Variants in SLC24A2 observed in about 807,000 individuals in gnomAD.
SLC24A2 encodes the protein solute carrier family 24 member 2.
A neutral mutation model predicts 62.0 loss-of-function variants in SLC24A2; 36 were observed. That is an observed-to-expected ratio of 0.58 (90% CI 0.44 to 0.77). The LOEUF (loss-of-function observed/expected upper bound fraction) is 0.77, where lower values mean the gene tolerates loss of function less well. Among genes scored for constraint, SLC24A2 ranks in the 30% least tolerant of loss-of-function variants. SLC24A2 has a pLI of 0.00. For missense variants in SLC24A2, 846 were observed against 817.9 expected, an observed-to-expected ratio of 1.03 and a Z score of -0.42; for synonymous variants, 358 against 294.0, an observed-to-expected ratio of 1.22 and a Z score of -2.23.
At chr9:20,127,414 G>A in the SLC24A2 span, among the ~76,000 whole-genome samples, 1 of 152,084 alleles carries the variant, frequency 6.6e-6, no homozygotes. Context: ...TAACAACAAT[G>A]GAGAGAATTC....
At chr9:19,823,885 G>A in the SLC24A2 span, among the ~76,000 whole-genome samples, 4 of 152,116 alleles carry the variant, frequency 2.6e-5, no homozygotes. Flanking sequence ...ACAACCATCT[G>A]ATCTTTGACA....
In SLC24A2 at chr9:19,510,715, GT is replaced by G. The variant is rs2132603053; in HGVS notation, c.*5437del. On this transcript the variant is annotated 3_prime_UTR_variant, in exon 11 of 11. Transcript: ENST00000341998. ...TGTCTGTTTTTAAAGATTTTATTAG[GT>G]TTTCCAGTCTGTCAATGAATGATCT... is the stretch of plus-strand genomic sequence containing the variant. The G allele has an allele frequency of 6.6e-6, 1 of 152,322 alleles. No individual in the cohort carries two copies. Among genetic ancestry groups the G allele is most frequent in the Non-Finnish European group, 1.5e-5 (1 of 68,040 alleles). 9.4% of individuals were successfully genotyped at this position (152,322 alleles called of 1,614,324 possible). A position where few individuals can be genotyped will look rare whatever the true frequency, so the allele number is the denominator to read the frequency against.
chr9:19,746,226 T>C (rs1821829731), intron 2 of SLC24A2, among the ~76,000 whole-genome samples: 2 of 152,094 alleles, frequency 1.3e-5, no homozygotes, highest in Admixed American at 1.3e-4. Context: ...ACGACAACTT[T>C]CCGATGGGAC....
At chr9:19,564,015 T>G (rs1835547353) in intron 7 of SLC24A2, among the ~76,000 whole-genome samples, 1 of 151,688 alleles carries the variant, frequency 6.6e-6, no homozygotes, top group Non-Finnish European at 1.5e-5. Context: ...CACCATGCCC[T>G]GCTAATTTTT....
At chr9:19,517,280 A>G (rs1586874558) in intron 10 of SLC24A2, among the ~76,000 whole-genome samples, 1 of 152,196 alleles carries the variant, frequency 6.6e-6, no homozygotes. Context: ...GGCTCTACCC[A>G]TCAGCCTAAT....
the SLC24A2 span, among the ~76,000 whole-genome samples, chr9:20,016,956 A>T: frequency 6.6e-6 from 1 of 152,252 alleles, no homozygotes; most frequent in African/African-American, 2.4e-5. Context: ...TTTAATTAAA[A>T]GATCACATAA....
At chr9:19,895,880 C>A in the SLC24A2 span, 13 of 1,613,038 alleles carry the variant, frequency 8.1e-6, no homozygotes, top group Non-Finnish European at 1.1e-5. Flanking sequence ...AGGGCCTCGG[C>A]CAGTGTGATG....
chr9:19,616,792 G>T (rs35675299), intron 4 of SLC24A2, among the ~76,000 whole-genome samples: 1 of 152,048 alleles, frequency 6.6e-6, no homozygotes, highest in African/African-American at 2.4e-5. Flanking sequence ...AAAATTAAAG[G>T]TTCATTGGCA....
At chr9:19,936,003 CAA>C in the SLC24A2 span, among the ~76,000 whole-genome samples, 1 of 152,128 alleles carries the variant, frequency 6.6e-6, no homozygotes, top group Non-Finnish European at 1.5e-5. Flanking sequence ...GCTTTAATCA[CAA>C]AGAGTTTTGA....
At chr9:19,586,699 A>G (rs371304318) in intron 5 of SLC24A2, among the ~76,000 whole-genome samples, 1 of 152,170 alleles carries the variant, frequency 6.6e-6, no homozygotes, top group African/African-American at 2.4e-5. Context: ...GTTTCAGGAA[A>G]AGGGCCAACT....
In SLC24A2 at chr9:19,515,092, C is replaced by T. The variant is rs1832873802; in HGVS notation, c.*1061G>A. The stretch of plus-strand genomic sequence containing the variant: ...TTAGCATCAAAATATATCTACATGA[C>T]AATCACAGCTAAACTTACCCCTCTT... On this transcript the variant is annotated 3_prime_UTR_variant, in exon 11 of 11. Coordinates refer to ENST00000341998, the MANE Select transcript of SLC24A2 (RefSeq NM_020344.4). 6.6e-6 allele frequency: 1 copy of T among 152,130 alleles called. No individual in the cohort carries two copies. The highest frequency in any genetic ancestry group is 1.5e-5 in the Non-Finnish European group (1 of 68,026). 9.4% of individuals were successfully genotyped at this position (152,130 alleles called of 1,614,324 possible).
chr9:19,680,848 G>GT (rs1236055246), intron 2 of SLC24A2, among the ~76,000 whole-genome samples: 80 of 118,418 alleles, frequency 6.8e-4, no homozygotes, highest in African/African-American at 2.3e-3. Flanking sequence ...ATATATACCA[G>GT]AGTTGTGTGT....
chr9:20,288,009 G>A, the SLC24A2 span, among the ~76,000 whole-genome samples: 3 of 126,640 alleles, frequency 2.4e-5, no homozygotes, highest in South Asian at 3.3e-4. Context: ...CTTTTTTTTG[G>A]TTGGGAGTGG....
the SLC24A2 span, among the ~76,000 whole-genome samples, chr9:19,911,186 C>A: frequency 6.6e-6 from 1 of 150,584 alleles, no homozygotes; most frequent in African/African-American, 2.4e-5. Context: ...TTTGTCCTTG[C>A]GATAGTTTAC....
At chr9:19,950,729 C>A in the SLC24A2 span, among the ~76,000 whole-genome samples, 3 of 152,184 alleles carry the variant, frequency 2.0e-5, no homozygotes, top group African/African-American at 7.2e-5. Context: ...GGGAAGTGGT[C>A]TGGAGATGGG....
At chr9:19,986,775 G>A in the SLC24A2 span, among the ~76,000 whole-genome samples, 1 of 152,224 alleles carries the variant, frequency 6.6e-6, no homozygotes, top group East Asian at 1.9e-4. Flanking sequence ...GTTGCCCGAG[G>A]CTGGGGGAGG....
At chr9:19,884,560 T>C in the SLC24A2 span, among the ~76,000 whole-genome samples, 2 of 152,212 alleles carry the variant, frequency 1.3e-5, no homozygotes, top group African/African-American at 2.4e-5. Flanking sequence ...CTCTTATGCT[T>C]ATGTATATAT....
intron 8 of SLC24A2, among the ~76,000 whole-genome samples, chr9:19,536,002 CCT>C (rs1329960050): frequency 1.3e-5 from 2 of 151,820 alleles, no homozygotes; most frequent in East Asian, 1.9e-4. Flanking sequence ...TTATTTGTGT[CCT>C]CTCTTATTTC....
At chr9:20,162,428 A>G in the SLC24A2 span, among the ~76,000 whole-genome samples, 4 of 152,072 alleles carry the variant, frequency 2.6e-5, no homozygotes, top group African/African-American at 9.7e-5. Flanking sequence ...AGACTAAACC[A>G]GGAAGAAGTT....
Sources: allele counts gnomAD v4.1 joint callset (sites outside exome capture counted in the v4.1 genomes callset), GRCh38; gene constraint gnomAD v4.1.1; transcripts MANE v1.5; gene names NCBI Gene and HGNC (gene_info 2026-07-23, HGNC 2026-07-21).